SGCZ: variants seen among roughly 807,000 people sequenced by gnomAD.
SGCZ encodes the protein sarcoglycan zeta, also known as zeta-sarcoglycan.
Under a neutral mutation model 41.3 loss-of-function variants are expected in SGCZ, and 40 were observed. The observed-to-expected ratio is 0.97, with a 90% confidence interval of 0.75 to 1.26. SGCZ has a LOEUF of 1.26. Among genes scored for constraint, SGCZ ranks in the 50% most tolerant of loss-of-function variants. The pLI is 0.00. For synonymous variants in SGCZ, 206 were observed against 137.5 expected (o/e 1.50, Z -3.49); for missense variants, 552 against 369.8 (o/e 1.49, Z -4.04).
intron 1 of SGCZ, among the ~76,000 whole-genome samples, chr8:15,205,879 C>T (rs1436735362): frequency 6.6e-6 from 1 of 152,054 alleles, no homozygotes. Context: ...CCATAAATGA[C>T]AGATGAGATG....
rs576604301 is a variant in SGCZ, at chr8:14,933,378, A to T, written c.39+304207T>A. Among the ~76,000 whole-genome samples, 3 of 151,566 alleles carry T rather than the reference A, an allele frequency of 2.0e-5. No individual in the cohort carries two copies. In the South Asian group the frequency reaches 6.3e-4, roughly 32 times the overall value. On this transcript the variant is annotated intron_variant, in intron 1 of 7. Transcript: ENST00000382080. ...GACATGAGCTCTCTGCAAAAATGGAACCAGAGTATTTCAGCACCATTGAAG... is the reference window on the plus strand; with the variant it reads ...GACATGAGCTCTCTGCAAAAATGGATCCAGAGTATTTCAGCACCATTGAAG...
chr8:14,275,969 G>C (rs557182152), intron 3 of SGCZ, among the ~76,000 whole-genome samples: 1 of 152,338 alleles, frequency 6.6e-6, no homozygotes, highest in Admixed American at 6.5e-5. Context: ...CTCAGGCTGA[G>C]TCAAAAACTG....
chr8:14,374,521 A>G (rs568090152), intron 2 of SGCZ, among the ~76,000 whole-genome samples: 1 of 152,298 alleles, frequency 6.6e-6, no homozygotes, highest in South Asian at 2.1e-4. Context: ...AATGAGACTA[A>G]AAGAAGATGT....
intron 1 of SGCZ, among the ~76,000 whole-genome samples, chr8:14,803,670 C>T (rs1048614648): frequency 2.3e-4 from 35 of 152,088 alleles, no homozygotes; most frequent in African/African-American, 6.3e-4. Context: ...CCGCCATTGC[C>T]CAGGCTTGCT....
chr8:14,658,686 C>A (rs938702348), intron 1 of SGCZ, among the ~76,000 whole-genome samples: 4 of 152,082 alleles, frequency 2.6e-5, no homozygotes, highest in African/African-American at 9.7e-5. Flanking sequence ...CTTTACTTTT[C>A]TTCTCAGCAG....
chr8:14,305,884 C>CCCT (rs1397113828), intron 3 of SGCZ, among the ~76,000 whole-genome samples: 1 of 152,124 alleles, frequency 6.6e-6, no homozygotes, highest in African/African-American at 2.4e-5. Context: ...TCTCTATTGC[C>CCCT]GCTGGGCACC....
intron 2 of SGCZ, among the ~76,000 whole-genome samples, chr8:14,509,386 C>A (rs530322657): frequency 1.1e-4 from 17 of 152,176 alleles, no homozygotes; most frequent in African/African-American, 3.6e-4. Flanking sequence ...GTTAAAATGA[C>A]AGAAAATGAT....
At chr8:14,190,089 T>C (rs62492286) in intron 4 of SGCZ, among the ~76,000 whole-genome samples, 35,128 of 141,250 alleles carry the variant, frequency 0.25, 5,433 homozygotes, top group Non-Finnish European at 0.35. Flanking sequence ...CTTGACTCGC[T>C]GCAAGCTCCG....
At position 14,686,059 on chromosome 8, in the gene SGCZ, G is replaced by A. The variant is rs1808600107; in HGVS notation, c.40-131133C>T. ...ACTAATTACTTCTAACAAACTATAT[G>A]TTTCGTCTCGGGAAGACTTTGCTCT... On this transcript the variant is annotated intron_variant, in intron 1 of 7. Coordinates refer to ENST00000382080, the MANE Select transcript of SGCZ (RefSeq NM_139167.4). Among the ~76,000 whole-genome samples the A allele has an allele frequency of 3.9e-5, 6 of 152,188 alleles. No individual in the cohort carries two copies. In the South Asian group the frequency reaches 1.2e-3, roughly 32 times the overall value.
chr8:15,146,528 C>G (rs1799041448), intron 1 of SGCZ, among the ~76,000 whole-genome samples: 1 of 152,344 alleles, frequency 6.6e-6, no homozygotes, highest in South Asian at 2.1e-4. Context: ...GAATGTACCA[C>G]TGTACCTGGC....
At chr8:14,093,609 G>T (rs1748564401) in intron 7 of SGCZ, among the ~76,000 whole-genome samples, 1 of 152,060 alleles carries the variant, frequency 6.6e-6, no homozygotes. Context: ...CTGGGTGGTT[G>T]TGAAATATGG....
At chr8:15,099,885 T>C (rs549104470) in intron 1 of SGCZ, among the ~76,000 whole-genome samples, 1 of 152,104 alleles carries the variant, frequency 6.6e-6, no homozygotes, top group East Asian at 1.9e-4. Context: ...GAAAAAGCAT[T>C]TGAAAAAAAT....
At chr8:14,773,805 A>G (rs1396504145) in intron 1 of SGCZ, among the ~76,000 whole-genome samples, 1 of 152,194 alleles carries the variant, frequency 6.6e-6, no homozygotes, top group Admixed American at 6.5e-5. Flanking sequence ...AACACTCCAC[A>G]CCCAATTGCC....
intron 4 of SGCZ, among the ~76,000 whole-genome samples, chr8:14,166,205 G>T (rs1217242565): frequency 3.3e-5 from 5 of 152,072 alleles, no homozygotes; most frequent in African/African-American, 1.2e-4. Context: ...TTTAAAAATA[G>T]AATTCATGCT....
chr8:15,024,723 T>A (rs983293612), intron 1 of SGCZ, among the ~76,000 whole-genome samples: 2 of 151,970 alleles, frequency 1.3e-5, no homozygotes, highest in African/African-American at 4.8e-5. Flanking sequence ...GATCATGAGG[T>A]CAGGAGATCG....
chr8:15,215,363 A>G (rs1245458354), intron 1 of SGCZ, among the ~76,000 whole-genome samples: 1 of 152,206 alleles, frequency 6.6e-6, no homozygotes, highest in Non-Finnish European at 1.5e-5. Context: ...TTTCAGAAAA[A>G]TTCCATTATC....
intron 4 of SGCZ, among the ~76,000 whole-genome samples, chr8:14,218,698 T>C (rs943747858): frequency 9.2e-5 from 14 of 152,202 alleles, no homozygotes; most frequent in South Asian, 2.1e-4. Flanking sequence ...GGAAATGATG[T>C]TAGAGAGCAA....
intron 1 of SGCZ, among the ~76,000 whole-genome samples, chr8:14,897,937 A>G (rs1052766345): frequency 6.6e-6 from 1 of 152,172 alleles, no homozygotes. Context: ...CATTTTCAAA[A>G]GAGATGTATC....
In SGCZ at chr8:14,648,993, T is replaced by TC. The variant is rs1186035363; in HGVS notation, c.40-94068dup. On this transcript the variant is annotated intron_variant, in intron 1 of 7. Coordinates refer to ENST00000382080, the MANE Select transcript of SGCZ (RefSeq NM_139167.4). ...CTCATTTCAAAACATTTATACTTTT[T>TC]CCCCCAACAGTCATACCAACTATAG... 5.3e-5 allele frequency among the ~76,000 whole-genome samples: 8 copies of TC among 152,182 alleles called. No individual in the cohort carries two copies. The South Asian group carries it at 1.7e-3, about 32-fold the overall frequency.
Sources: gnomAD v4.1 joint callset for allele counts (sites outside exome capture counted in the v4.1 genomes callset) on GRCh38, gnomAD v4.1.1 for gene constraint, MANE v1.5 for transcripts, NCBI Gene and HGNC (gene_info 2026-07-23, HGNC 2026-07-21) for gene names.